IL1RAPL2: variants seen among roughly 807,000 people sequenced by gnomAD.
IL1RAPL2 encodes interleukin 1 receptor accessory protein like 2, also known as X-linked interleukin-1 receptor accessory protein-like 2.
A neutral mutation model predicts 44.1 loss-of-function variants in IL1RAPL2; 3 were observed. That is an observed-to-expected ratio of 0.07 (90% CI 0.03 to 0.18). The LOEUF (loss-of-function observed/expected upper bound fraction) is 0.18. IL1RAPL2 is among the 10% of genes least tolerant of loss of function. The pLI, the probability that IL1RAPL2 is intolerant of heterozygous loss-of-function variation, is 1.00. For missense variants in IL1RAPL2, 391 were observed against 496.4 expected (o/e 0.79, Z 2.02); for synonymous variants, 181 against 178.8 (o/e 1.01, Z -0.10).
At chrX:105,474,173 A>G (rs1451371896) in intron 5 of IL1RAPL2, among the ~76,000 whole-genome samples, 1 of 111,795 alleles carries the variant, frequency 8.9e-6, no homozygotes. Flanking sequence ...AGAAAGAATA[A>G]TATAATGTCA....
At chrX:104,775,449 C>T (rs1170215075) in intron 2 of IL1RAPL2, among the ~76,000 whole-genome samples, 3 of 111,867 alleles carry the variant, frequency 2.7e-5, no homozygotes, top group Non-Finnish European at 5.6e-5. Flanking sequence ...TTTGAAAAAT[C>T]GGCCATTTAA....
intron 1 of IL1RAPL2, among the ~76,000 whole-genome samples, chrX:104,589,648 T>C (rs1170238469): frequency 3.6e-5 from 4 of 112,476 alleles, no homozygotes; most frequent in Non-Finnish European, 7.5e-5. Flanking sequence ...CCTTATCTCT[T>C]AATACCATTT....
intron 2 of IL1RAPL2, among the ~76,000 whole-genome samples, chrX:104,897,621 A>C (rs1197571378): frequency 8.9e-6 from 1 of 112,503 alleles, no homozygotes; most frequent in Non-Finnish European, 1.9e-5. Context: ...TGCAGGATAG[A>C]TTAGCAGGAT....
At chrX:104,788,938 C>T (rs1406821953) in intron 2 of IL1RAPL2, among the ~76,000 whole-genome samples, 2 of 111,598 alleles carry the variant, frequency 1.8e-5, no homozygotes, top group East Asian at 5.6e-4. Context: ...TAATCCCCTC[C>T]TCTGTTAAAC....
chrX:105,572,484 C>T (rs1046448915), intron 6 of IL1RAPL2, among the ~76,000 whole-genome samples: 2 of 111,777 alleles, frequency 1.8e-5, no homozygotes, highest in Non-Finnish European at 3.8e-5. Context: ...ATCTTAAGTA[C>T]AGGTATAACT....
chrX:104,919,983 G>T (rs5962449), intron 2 of IL1RAPL2, among the ~76,000 whole-genome samples: 6,267 of 110,940 alleles, frequency 0.056, 458 homozygotes, highest in African/African-American at 0.2. Context: ...TTGCCACTGA[G>T]GCATAAGAGG....
chrX:105,710,956 A>T (rs916373369), intron 6 of IL1RAPL2, among the ~76,000 whole-genome samples: 2 of 106,140 alleles, frequency 1.9e-5, no homozygotes, highest in Admixed American at 1.0e-4. Flanking sequence ...ATATATATTT[A>T]TATATATATG....
At chrX:105,674,670 A>C (rs1237937116) in intron 6 of IL1RAPL2, among the ~76,000 whole-genome samples, 6 of 111,463 alleles carry the variant, frequency 5.4e-5, no homozygotes, top group African/African-American at 2.0e-4. Context: ...TCCATAAAAA[A>C]ATTAGTTTTT....
chrX:105,210,396 C>G (rs1298409055), intron 3 of IL1RAPL2, among the ~76,000 whole-genome samples: 1 of 111,513 alleles, frequency 9.0e-6, no homozygotes, highest in Non-Finnish European at 1.9e-5. Context: ...TGCCTACCAT[C>G]ATTTGACCCC....
chrX:104,756,361 G>A (rs1391268285), intron 2 of IL1RAPL2, among the ~76,000 whole-genome samples: 1 of 111,195 alleles, frequency 9.0e-6, no homozygotes, highest in Non-Finnish European at 1.9e-5. Context: ...ATCAAGCCCT[G>A]AATATCATGC....
intron 5 of IL1RAPL2, among the ~76,000 whole-genome samples, chrX:105,402,046 T>A (rs1311383933): frequency 2.7e-5 from 3 of 111,326 alleles, no homozygotes; most frequent in Non-Finnish European, 5.7e-5. Flanking sequence ...CTATGTTTTG[T>A]TCATGGGACA....
intron 3 of IL1RAPL2, among the ~76,000 whole-genome samples, chrX:105,202,183 T>C (rs2033723079): frequency 8.9e-6 from 1 of 112,521 alleles, no homozygotes; most frequent in Non-Finnish European, 1.9e-5. Flanking sequence ...GTTTGTTTAC[T>C]GGAAGGAAGC....
chrX:104,983,693 CATA>C (rs1683585116), intron 2 of IL1RAPL2, among the ~76,000 whole-genome samples: 1 of 98,868 alleles, frequency 1.0e-5, no homozygotes, highest in Admixed American at 1.2e-4. Flanking sequence ...ATAATATTAA[CATA>C]ATATTATATA....
intron 3 of IL1RAPL2, among the ~76,000 whole-genome samples, chrX:105,229,788 TTTTGTTTG>T (rs782742727): frequency 9.0e-6 from 1 of 110,892 alleles, no homozygotes; most frequent in Admixed American, 9.6e-5. Context: ...GAAGTAAATT[TTTTGTTTG>T]TTTGTTTGTT....
chrX:104,625,748 T>A (rs1400111319), intron 1 of IL1RAPL2, among the ~76,000 whole-genome samples: 1 of 111,497 alleles, frequency 9.0e-6, no homozygotes, highest in Non-Finnish European at 1.9e-5. Flanking sequence ...TGCCAGTTCC[T>A]TACCTGAAAC....
At chrX:105,265,416 C>A (rs1220822432) in intron 4 of IL1RAPL2, among the ~76,000 whole-genome samples, 1 of 111,874 alleles carries the variant, frequency 8.9e-6, no homozygotes, top group Non-Finnish European at 1.9e-5. Context: ...TGTGTTCAGA[C>A]TTTCTTCTTC....
At chrX:104,923,965 T>A in intron 2 of IL1RAPL2, among the ~76,000 whole-genome samples, 1 of 105,444 alleles carries the variant, frequency 9.5e-6, no homozygotes, top group Non-Finnish European at 2.0e-5. Context: ...ATGGAAAAAA[T>A]ATATATTATG....
At chrX:105,396,858 C>A (rs2035567050) in intron 5 of IL1RAPL2, among the ~76,000 whole-genome samples, 1 of 111,031 alleles carries the variant, frequency 9.0e-6, no homozygotes, top group Non-Finnish European at 1.9e-5. Context: ...AAGTTCCAAA[C>A]CCCTGGGTCA....
At chrX:104,815,006 G>A (rs1455458876) in intron 2 of IL1RAPL2, among the ~76,000 whole-genome samples, 2 of 112,314 alleles carry the variant, frequency 1.8e-5, no homozygotes, top group East Asian at 5.6e-4. Flanking sequence ...TAAATGGCAA[G>A]TGCGGAGCAA....
Sources: gnomAD v4.1 joint callset for allele counts (sites outside exome capture counted in the v4.1 genomes callset) on GRCh38, gnomAD v4.1.1 for gene constraint, MANE v1.5 for transcripts, NCBI Gene and HGNC (gene_info 2026-07-23, HGNC 2026-07-21) for gene names.